CPQ: variants seen among roughly 807,000 people sequenced by gnomAD.
The protein encoded by CPQ is carboxypeptidase Q.
In CPQ, 37 loss-of-function variants were observed where a neutral mutation model predicts 45.7. The observed-to-expected ratio is 0.81, with a 90% CI of 0.62 to 1.07. The LOEUF (loss-of-function observed/expected upper bound fraction) is 1.07, where lower values mean the gene tolerates loss of function less well. CPQ is among the 50% of genes least tolerant of loss of function. The pLI is 0.00. For missense variants in CPQ, 537 were observed against 572.9 expected (o/e 0.94, Z 0.64); for synonymous variants, 186 against 205.8 (o/e 0.90, Z 0.82).
intron 1 of CPQ, among the ~76,000 whole-genome samples, chr8:96,686,827 G>T (rs1203885484): frequency 6.6e-6 from 1 of 151,876 alleles, no homozygotes; most frequent in African/African-American, 2.4e-5. Context: ...GAACTATTTT[G>T]TTGGGAGTAA....
chr8:96,683,086 CTTT>C (rs1005375823), intron 1 of CPQ, among the ~76,000 whole-genome samples: 2 of 151,934 alleles, frequency 1.3e-5, no homozygotes, highest in African/African-American at 4.8e-5. Flanking sequence ...TGTTTCACTT[CTTT>C]GTCTTTCTCA....
intron 1 of CPQ, among the ~76,000 whole-genome samples, chr8:96,684,752 CT>C (rs1809203412): frequency 6.6e-6 from 1 of 152,068 alleles, no homozygotes; most frequent in African/African-American, 2.4e-5. Context: ...CTCAGGCCCC[CT>C]GATAGTGTGG....
intron 7 of CPQ, among the ~76,000 whole-genome samples, chr8:97,139,527 G>T (rs1812118758): frequency 6.6e-6 from 1 of 151,862 alleles, no homozygotes; most frequent in Admixed American, 6.6e-5. Flanking sequence ...AAAATTCAAA[G>T]AATCTATATC....
intron 7 of CPQ, among the ~76,000 whole-genome samples, chr8:97,138,200 A>G (rs1179615069): frequency 1.3e-5 from 2 of 152,170 alleles, no homozygotes; most frequent in Non-Finnish European, 2.9e-5. Flanking sequence ...GGTAGTTGCC[A>G]ACTTTATCTG....
At chr8:97,037,109 A>T (rs1047139004) in intron 6 of CPQ, among the ~76,000 whole-genome samples, 4 of 152,252 alleles carry the variant, frequency 2.6e-5, no homozygotes, top group African/African-American at 9.6e-5. Context: ...CTTTATGTAT[A>T]GAAATACACT....
chr8:96,657,473 G>C (rs765000738), intron 1 of CPQ, among the ~76,000 whole-genome samples: 6 of 152,178 alleles, frequency 3.9e-5, no homozygotes, highest in African/African-American at 7.2e-5. Context: ...TCATTCAGCT[G>C]TCTCCGTTTC....
chr8:96,718,285 G>A (rs1186447360), intron 1 of CPQ, among the ~76,000 whole-genome samples: 1 of 152,160 alleles, frequency 6.6e-6, no homozygotes, highest in Non-Finnish European at 1.5e-5. Flanking sequence ...ATGAAGCCGC[G>A]GACCCTCACA....
chr8:97,043,737 T>C (rs1237608717), intron 6 of CPQ, among the ~76,000 whole-genome samples: 1 of 152,212 alleles, frequency 6.6e-6, no homozygotes, highest in African/African-American at 2.4e-5. Flanking sequence ...TCTCCTTAAC[T>C]TATGAAGCTT....
At chr8:96,765,948 G>C (rs1810462947) in intron 1 of CPQ, among the ~76,000 whole-genome samples, 2 of 152,186 alleles carry the variant, frequency 1.3e-5, no homozygotes, top group Admixed American at 1.3e-4. Flanking sequence ...GTACGATGGA[G>C]AAAGTCCTAA....
intron 2 of CPQ, among the ~76,000 whole-genome samples, chr8:96,826,354 T>C (rs1315791741): frequency 6.6e-6 from 1 of 152,046 alleles, no homozygotes; most frequent in East Asian, 1.9e-4. Flanking sequence ...AAAACTTTGA[T>C]AGAAACTTTA....
chr8:96,780,607 T>G (rs1023037612), intron 1 of CPQ, among the ~76,000 whole-genome samples: 2 of 152,194 alleles, frequency 1.3e-5, no homozygotes, highest in African/African-American at 4.8e-5. Flanking sequence ...TTTTTCAACT[T>G]AAGTCATTAA....
chr8:96,775,440 G>A (rs947278359), intron 1 of CPQ, among the ~76,000 whole-genome samples: 1 of 152,064 alleles, frequency 6.6e-6, no homozygotes, highest in Non-Finnish European at 1.5e-5. Context: ...ATTCTTGCAC[G>A]GTGAATGTGA....
intron 4 of CPQ, among the ~76,000 whole-genome samples, chr8:96,953,820 A>C (rs1813308903): frequency 6.6e-6 from 1 of 152,088 alleles, no homozygotes; most frequent in South Asian, 2.1e-4. Flanking sequence ...GACCGCTATC[A>C]ACTCACCCTC....
intron 4 of CPQ, among the ~76,000 whole-genome samples, chr8:96,913,553 A>G (rs1812694939): frequency 6.6e-6 from 1 of 152,170 alleles, no homozygotes; most frequent in African/African-American, 2.4e-5. Flanking sequence ...CCCTCCACCC[A>G]TTAAAAGCTT....
intron 4 of CPQ, among the ~76,000 whole-genome samples, chr8:96,928,870 G>A (rs531334640): frequency 2.6e-5 from 4 of 152,186 alleles, no homozygotes; most frequent in Non-Finnish European, 4.4e-5. Flanking sequence ...ATTCGGGTCT[G>A]ATTTTAATTT....
chr8:96,648,771 A>T (rs981885978), intron 1 of CPQ, among the ~76,000 whole-genome samples: 1 of 152,068 alleles, frequency 6.6e-6, no homozygotes, highest in Non-Finnish European at 1.5e-5. Context: ...AAGCCTAAAG[A>T]CCAAGCAGAG....
At chr8:96,787,995 C>T (rs1223988960) in intron 2 of CPQ, among the ~76,000 whole-genome samples, 2 of 151,854 alleles carry the variant, frequency 1.3e-5, no homozygotes, top group Admixed American at 6.6e-5. Context: ...CTTTGCTTAA[C>T]CTTCAGTTTT....
At chr8:96,834,303 T>C (rs1206090441) in intron 2 of CPQ, among the ~76,000 whole-genome samples, 1 of 152,210 alleles carries the variant, frequency 6.6e-6, no homozygotes, top group Admixed American at 6.5e-5. Context: ...ATCTTCAAAG[T>C]TTTTATTTGA....
chr8:96,735,875 A>G (rs1563483074), intron 1 of CPQ, among the ~76,000 whole-genome samples: 1 of 152,172 alleles, frequency 6.6e-6, no homozygotes, highest in East Asian at 1.9e-4. Flanking sequence ...AGGATGATTT[A>G]GTATACTGCC....
Sources: allele counts gnomAD v4.1 joint callset (sites outside exome capture counted in the v4.1 genomes callset), GRCh38; gene constraint gnomAD v4.1.1; transcripts MANE v1.5; gene names NCBI Gene and HGNC (gene_info 2026-07-23, HGNC 2026-07-21).